The following NPHS1 variants were observed in gnomAD, a reference collection of about 807,000 sequenced individuals.
NPHS1 encodes NPHS1 adhesion molecule, nephrin.
NPHS1 carries 107 observed loss-of-function variants against 139.7 expected under a neutral mutation model. That is an observed-to-expected ratio of 0.77 (90% CI 0.66 to 0.90). The LOEUF (loss-of-function observed/expected upper bound fraction) is 0.90, where lower values mean the gene tolerates loss of function less well. NPHS1 is among the 40% of genes least tolerant of loss of function. The probability of loss-of-function intolerance (pLI) is 0.00; values close to 1 mark genes in which losing one functional copy is unlikely to be tolerated. For missense variants in NPHS1, 1,580 were observed against 1,654.2 expected (o/e 0.96, Z 0.78); for synonymous variants, 707 against 706.6 (o/e 1.00, Z -0.01).
In NPHS1 at chr19:35,826,432, C is replaced by T. The variant is rs569295487; in HGVS notation, c.*82G>A. On this transcript the variant is annotated 3_prime_UTR_variant, in exon 29 of 29. Transcript: ENST00000378910. Reference sequence around the variant, plus strand: ...TTTGGGTTTTATGGAGCTCACCTAACCAGCTCGGCCCAGGCTGTAATGAGA... The same window carrying T: ...TTTGGGTTTTATGGAGCTCACCTAATCAGCTCGGCCCAGGCTGTAATGAGA... 24 of 1,565,732 alleles carry T rather than the reference C, an allele frequency of 1.5e-5. No homozygotes were observed. The highest frequency in any genetic ancestry group is 3.3e-5 in the South Asian group (3 of 89,954).
At position 35,846,167 on chromosome 19, in the gene NPHS1, G is replaced by C. The variant is rs1373224039; in HGVS notation, c.1468C>G (p.Leu490Val). The change falls in exon 12 of 29, where the codon CTG becomes GTG. Residue 490 changes from leucine to valine, a missense_variant. By Grantham distance (32) the Leu-to-Val change is conservative. Coordinates refer to ENST00000378910, the MANE Select transcript of NPHS1 (RefSeq NM_004646.4). ...KDSRTVTESRLPQESRRVHLG... is the reference protein window; with the variant it reads ...KDSRTVTESRVPQESRRVHLG... Reference sequence around the variant, plus strand: ...TGCACGCGCCGCGACTCCTGCGGCAGCCGCGACTCGGTCACGGTGCGCGAG... The same window carrying C: ...TGCACGCGCCGCGACTCCTGCGGCACCCGCGACTCGGTCACGGTGCGCGAG... 1.9e-6 allele frequency: 3 copies of C among 1,594,834 alleles called. No individual in the cohort carries two copies. The highest frequency in any genetic ancestry group is 2.7e-5 in the African/African-American group (2 of 74,614).
rs112517522 is a variant in NPHS1 at position 35,848,597 on chromosome 19, C to T, written c.1170+40G>A. ...CTATCCACGAGTCATGCCCTCAGCC[C>T]CCTCCATGCTCAGACCCAGGAGCCT... is the stretch of plus-strand genomic sequence containing the variant. On this transcript the variant is annotated intron_variant, in intron 9 of 28. Transcript: ENST00000378910. 1.5e-5 allele frequency: 24 copies of T among 1,611,262 alleles called. No homozygotes were observed. In the African/African-American group the frequency reaches 2.0e-4, roughly 13 times the overall value.
rs375670819 is a variant in NPHS1, at chr19:35,851,616, C to T, written c.115G>A (p.Glu39Lys). The T allele has an allele frequency of 1.1e-4, 183 of 1,613,906 alleles. 5 individuals are homozygous for T. The highest frequency in any genetic ancestry group is 5.6e-4 in the East Asian group (25 of 44,900). Residue 39 changes from glutamate (E) to lysine (K), a missense_variant, in exon 2 of 29, where the codon GAA becomes AAA. Coordinates refer to ENST00000378910, the MANE Select transcript of NPHS1 (RefSeq NM_004646.4). ...GCCCCCTCCACCACCGTCAGGTTTT[C>T]AGGCAGGGCCCAGAAGCCCCGGGGA... Reference protein sequence around the residue: ...SVPRGFWALPENLTVVEGASV... With the variant: ...SVPRGFWALPKNLTVVEGASV...
intron 22 of NPHS1, among the ~76,000 whole-genome samples, chr19:35,836,419 G>A (rs117432109): frequency 1.8e-4 from 28 of 152,012 alleles, no homozygotes; most frequent in Non-Finnish European, 4.0e-4. Flanking sequence ...CACCATGCCT[G>A]GCCCAAAAAT....
Position 35,851,647 on chromosome 19 carries a change from G to A in NPHS1, c.84C>T (p.Ala28=), listed in dbSNP as rs763497264. 2.5e-5 allele frequency: 40 copies of A among 1,613,556 alleles called. No homozygotes were observed. Among genetic ancestry groups the A allele is most frequent in the East Asian group, 4.5e-5 (2 of 44,884 alleles). Residue 28 remains alanine, a synonymous_variant, in exon 2 of 29, where the codon GCC becomes GCT. Transcript: ENST00000378910. ...TEGLAQLAIP[A]SVPRGFWALP... is the part of the protein sequence containing the mutation. ...GGGCCCAGAAGCCCCGGGGAACGGAGGCAGGAATCGCCAACTGCGCCAGGC... is the reference window on the plus strand; with the variant it reads ...GGGCCCAGAAGCCCCGGGGAACGGAAGCAGGAATCGCCAACTGCGCCAGGC...
At chr19:35,846,342 C>T (rs373376897) in intron 11 of NPHS1, 148 bp from the exon 12 acceptor site, 11 of 806,534 alleles carry the variant, frequency 1.4e-5, no homozygotes, top group East Asian at 2.7e-5. Context: ...GCACCACCCC[C>T]CTAGGGCAAA....
chr19:35,829,546 T>C (rs1972847140), intron 28 of NPHS1, among the ~76,000 whole-genome samples: 1 of 150,890 alleles, frequency 6.6e-6, no homozygotes, highest in Admixed American at 6.6e-5. Context: ...TTTTAAACTT[T>C]TTTTTTTTTT....
chr19:35,832,946 A>G (rs552022030), intron 23 of NPHS1, among the ~76,000 whole-genome samples: 14 of 146,116 alleles, frequency 9.6e-5, no homozygotes, highest in Non-Finnish European at 2.1e-4. Context: ...GTGCAGTGGC[A>G]TGATCTTGGC....
At chr19:35,837,072 A>AAG (rs1555761176) in intron 22 of NPHS1, among the ~76,000 whole-genome samples, 1 of 138,304 alleles carries the variant, frequency 7.2e-6, no homozygotes, top group Non-Finnish European at 1.6e-5. Context: ...GAAAGAAAGA[A>AAG]AAATAAACTG....
Position 35,839,502 on chromosome 19 carries a change from C to T in NPHS1, c.2921G>A (p.Cys974Tyr). Residue 974 changes from cysteine to tyrosine, a missense_variant, in exon 21 of 29, where the codon TGC becomes TAC. By Grantham distance (194) the Cys-to-Tyr change is radical (BLOSUM62 -2). Coordinates refer to ENST00000378910, the MANE Select transcript of NPHS1 (RefSeq NM_004646.4). The part of the protein sequence containing the change: ...GFDGGLPQRF[C>Y]IRYEALGTPG... The stretch of plus-strand genomic sequence containing the variant: ...TGCCTCGACAAGGACCCACCTGATG[C>T]AGAACCTCTGTGGCAGGCCCCCATC... The T allele has an allele frequency of 6.2e-7, 1 of 1,614,084 alleles. No homozygotes were observed. Among genetic ancestry groups the T allele is most frequent in the South Asian group, 1.1e-5 (1 of 91,082 alleles).
At chr19:35,843,073 T>C (rs1277864252) in intron 17 of NPHS1, among the ~76,000 whole-genome samples, 3 of 152,146 alleles carry the variant, frequency 2.0e-5, no homozygotes, top group East Asian at 1.9e-4. Flanking sequence ...CATCCTTCCA[T>C]AGATATCTTT....
intron 22 of NPHS1, among the ~76,000 whole-genome samples, chr19:35,837,868 C>T (rs1972990640): frequency 6.9e-6 from 1 of 144,472 alleles, no homozygotes; most frequent in Non-Finnish European, 1.5e-5. Flanking sequence ...TCTCAAAGTG[C>T]TGGGATTACA....
intron 5 of NPHS1, among the ~76,000 whole-genome samples, chr19:35,850,011 G>A (rs976685020): frequency 5.9e-5 from 9 of 152,176 alleles, no homozygotes; most frequent in African/African-American, 2.2e-4. Context: ...CACTTCTTGG[G>A]TTCAAGTGAT....
intron 16 of NPHS1, 40 bp downstream of exon 16, chr19:35,844,063 T>C (rs752882224): frequency 6.2e-7 from 1 of 1,601,518 alleles, no homozygotes; most frequent in East Asian, 2.2e-5. Flanking sequence ...TGGGCAAGGT[T>C]CCTTGGGTGG....
rs150319882 is a variant in NPHS1, at chr19:35,826,613, T to C, written c.3627A>G (p.Thr1209=). The C allele has an allele frequency of 9.2e-5, 149 of 1,613,944 alleles. No homozygotes were observed. The highest frequency in any genetic ancestry group is 3.4e-4 in the South Asian group (31 of 91,082). ...GPWDLHWPED[T]YQDPRGIYDQ... is the part of the protein sequence containing the mutation. Reference sequence around the variant, plus strand: ...CATAGATTCCTCTTGGATCCTGATATGTGTCTTCAGGCCAGTGGAGGTCCC... The same window carrying C: ...CATAGATTCCTCTTGGATCCTGATACGTGTCTTCAGGCCAGTGGAGGTCCC... Residue 1209 remains threonine (T), a synonymous_variant, in exon 29 of 29, where the codon ACA becomes ACG. Coordinates refer to ENST00000378910, the MANE Select transcript of NPHS1 (RefSeq NM_004646.4).
chr19:35,843,972 G>A, intron 16 of NPHS1, 131 bp downstream of exon 16: 1 of 1,303,894 alleles, frequency 7.7e-7, no homozygotes, highest in Admixed American at 2.1e-5. Context: ...CACCGCGGCT[G>A]GGACTTCCAG....
At position 35,845,941 on chromosome 19, in the gene NPHS1, G is replaced by C; in HGVS notation, c.1627+67C>G. 1 of 1,531,072 alleles carries C rather than the reference G, an allele frequency of 6.5e-7. No individual in the cohort carries two copies. The highest frequency in any genetic ancestry group is 1.4e-5 in the African/African-American group (1 of 72,844). The allele number at this position is 1,531,072 out of a possible 1,614,324, so 94.8% of individuals were successfully genotyped here. A position where few individuals can be genotyped will look rare whatever the true frequency, so the allele number is the denominator to read the frequency against. ...CTTTCCCCGGGTCCAGGGTTCGCTG[G>C]GTCCCTGCCCCACCTGGCTCTGTCC... On this transcript the variant is annotated intron_variant, in intron 12 of 28. Coordinates refer to ENST00000378910, the MANE Select transcript of NPHS1 (RefSeq NM_004646.4). The surrounding 1 kb of genome is among the most constrained non-coding windows in gnomAD (Gnocchi z 5.5).
chr19:35,831,544 C>G (rs769501784), intron 24 of NPHS1, 44 bp from the exon 25 acceptor site: 1 of 1,613,424 alleles, frequency 6.2e-7, no homozygotes, highest in Admixed American at 1.7e-5. Flanking sequence ...CTATGCAAGC[C>G]CCCCACCCCG....
rs199932050 is a variant in NPHS1 at position 35,851,598 on chromosome 19, C to G, written c.133G>C (p.Glu45Gln). 6 of 1,614,028 alleles carry G rather than the reference C, an allele frequency of 3.7e-6. No homozygotes were observed. The highest frequency in any genetic ancestry group is 4.2e-6 in the Non-Finnish European group (5 of 1,180,008). The change falls in exon 2 of 29, where the codon GAG (glutamate) becomes CAG (glutamine). Residue 45 changes from glutamate to glutamine, a missense_variant. By Grantham distance (29) the Glu-to-Gln change is conservative. Coordinates refer to ENST00000378910, the MANE Select transcript of NPHS1 (RefSeq NM_004646.4). ...CAACGCAGCTCCACTGAGGCCCCCT[C>G]CACCACCGTCAGGTTTTCAGGCAGG... ...WALPENLTVV[E>Q]GASVELRCGV...
Sources: allele counts gnomAD v4.1 joint callset (sites outside exome capture counted in the v4.1 genomes callset), GRCh38; gene constraint gnomAD v4.1.1; non-coding constraint Gnocchi (gnomAD v3.1); transcripts MANE v1.5; gene names NCBI Gene and HGNC (gene_info 2026-07-23, HGNC 2026-07-21).